JAK1: variants seen among roughly 807,000 people sequenced by gnomAD.
JAK1 encodes the protein Janus kinase 1.
In JAK1, 16 loss-of-function variants were observed where a neutral mutation model predicts 136.6. That is an observed-to-expected ratio of 0.12 (90% confidence interval 0.08 to 0.18). JAK1 has a LOEUF of 0.18. JAK1 is among the 10% of genes least tolerant of loss of function. JAK1 has a pLI of 1.00. For synonymous variants in JAK1, 492 were observed against 519.5 expected, an observed-to-expected ratio of 0.95 and a Z score of 0.72; for missense variants, 859 against 1,450.1, an observed-to-expected ratio of 0.59 and a Z score of 6.62.
intron 1 of JAK1, among the ~76,000 whole-genome samples, chr1:64,952,540 T>C (rs571558653): frequency 6.6e-6 from 1 of 152,312 alleles, no homozygotes; most frequent in East Asian, 1.9e-4. Context: ...ATGTTCAGTT[T>C]CCACCCAAAA....
intron 2 of JAK1, among the ~76,000 whole-genome samples, chr1:65,019,067 T>C (rs796955354): frequency 3.6e-4 from 55 of 152,194 alleles, no homozygotes; most frequent in African/African-American, 1.3e-3. Context: ...CGAACAATCC[T>C]ATGATCATTA....
At chr1:65,055,859 A>AACACTCAGTTCTTCAACACCCC (rs1647510956) in intron 1 of JAK1, among the ~76,000 whole-genome samples, 1 of 152,204 alleles carries the variant, frequency 6.6e-6, no homozygotes, top group Non-Finnish European at 1.5e-5. Context: ...AATGACACCC[A>AACACTCAGTTCTTCAACACCCC]ACACTCAGTT....
chr1:64,952,066 A>T (rs1392572894), intron 1 of JAK1, among the ~76,000 whole-genome samples: 1 of 152,208 alleles, frequency 6.6e-6, no homozygotes, highest in African/African-American at 2.4e-5. Context: ...GCCAACACAC[A>T]AAAGGCCAAT....
chr1:64,878,561 G>GTATGTATA (rs1644714274), intron 4 of JAK1, among the ~76,000 whole-genome samples: 1 of 119,932 alleles, frequency 8.3e-6, no homozygotes, highest in Non-Finnish European at 1.8e-5. Flanking sequence ...TATATAGTGT[G>GTATGTATA]TATATATATA....
At chr1:64,834,698 C>A (rs1654360101) in intron 24 of JAK1, 41 bp from the exon 25 acceptor site, 1 of 1,274,316 alleles carries the variant, frequency 7.8e-7, no homozygotes, top group Non-Finnish European at 1.1e-6. Flanking sequence ...AATGTTAGAT[C>A]TGGGAACTTT....
At chr1:64,909,721 G>A (rs186683521) in intron 1 of JAK1, among the ~76,000 whole-genome samples, 4 of 152,030 alleles carry the variant, frequency 2.6e-5, no homozygotes, top group Non-Finnish European at 4.4e-5. Flanking sequence ...CTACTTGGGA[G>A]GCTGAAGTGG....
chr1:65,010,773 C>T (rs1258296742), intron 2 of JAK1, among the ~76,000 whole-genome samples: 2 of 152,122 alleles, frequency 1.3e-5, no homozygotes, highest in Non-Finnish European at 2.9e-5. Flanking sequence ...AGTTTGAGAC[C>T]AGCTGGGCAA....
Position 64,902,581 on chromosome 1 carries a change from A to AGTGTGTGTGT in JAK1, c.-77-16241_-77-16240insACACACACAC, listed in dbSNP as rs1394514935. 1.4e-3 allele frequency among the ~76,000 whole-genome samples: 21 copies of AGTGTGTGTGT among 14,830 alleles called. No homozygotes were observed. In the South Asian group the frequency reaches 0.066, roughly 46 times the overall value. The allele number at this position is 14,830 out of a possible 152,430, so 9.7% of individuals were successfully genotyped here. A position where few individuals can be genotyped will look rare whatever the true frequency, so the allele number is the denominator to read the frequency against. On this transcript the variant is annotated intron_variant, in intron 1 of 24. Transcript: ENST00000342505. The stretch of plus-strand genomic sequence containing the variant: ...GAGAGAGAGAGAGAGAGAGAGAGAG[A>AGTGTGTGTGT]GAGTGTGTGTGTGTGTGTGTGTGTG...
At chr1:64,843,097 C>T (rs1469317421) in intron 17 of JAK1, among the ~76,000 whole-genome samples, 1 of 152,126 alleles carries the variant, frequency 6.6e-6, no homozygotes, top group Non-Finnish European at 1.5e-5. Flanking sequence ...TGTCCCATGC[C>T]ACCCCCAGTA....
chr1:64,932,491 G>C (rs1307518966), intron 1 of JAK1, among the ~76,000 whole-genome samples: 4 of 152,146 alleles, frequency 2.6e-5, no homozygotes, highest in African/African-American at 9.7e-5. Flanking sequence ...TAGCTAATAA[G>C]TGTCGAGGTT....
At chr1:65,025,832 C>T (rs1237030136) in intron 2 of JAK1, among the ~76,000 whole-genome samples, 2 of 152,076 alleles carry the variant, frequency 1.3e-5, no homozygotes, top group African/African-American at 4.8e-5. Flanking sequence ...TGCATACCAC[C>T]ATGCCTGGCT....
chr1:64,912,362 T>C (rs193198961), intron 1 of JAK1, among the ~76,000 whole-genome samples: 1 of 152,288 alleles, frequency 6.6e-6, no homozygotes, highest in East Asian at 1.9e-4. Flanking sequence ...TGATTTCTTC[T>C]TACTGATTTT....
intron 1 of JAK1, among the ~76,000 whole-genome samples, chr1:64,923,725 A>T (rs1356366154): frequency 6.6e-6 from 1 of 152,174 alleles, no homozygotes; most frequent in African/African-American, 2.4e-5. Context: ...CCATGACTTA[A>T]AACAAAATGA....
At chr1:64,858,364 T>G (rs1026011887) in intron 9 of JAK1, among the ~76,000 whole-genome samples, 1 of 152,174 alleles carries the variant, frequency 6.6e-6, no homozygotes, top group Non-Finnish European at 1.5e-5. Context: ...TGCTGCTTGC[T>G]AAGTGCTGGT....
At chr1:64,846,550 A>G in intron 14 of JAK1, 99 bp downstream of exon 14, 1 of 834,930 alleles carries the variant, frequency 1.2e-6, no homozygotes. Context: ...AAAGGCAAGA[A>G]GCCTGGGCAA....
chr1:64,872,514 C>A (rs78924279), intron 5 of JAK1, among the ~76,000 whole-genome samples: 1 of 152,150 alleles, frequency 6.6e-6, no homozygotes, highest in Non-Finnish European at 1.5e-5. Flanking sequence ...TAATTTCTTA[C>A]GTATTATCTA....
intron 1 of JAK1, among the ~76,000 whole-genome samples, chr1:64,911,511 G>C (rs1436003700): frequency 6.6e-6 from 1 of 152,172 alleles, no homozygotes; most frequent in Non-Finnish European, 1.5e-5. Flanking sequence ...CCGTTTTACA[G>C]ATATGTAAAT....
chr1:64,913,705 A>AGGG (rs1645336717), intron 1 of JAK1, among the ~76,000 whole-genome samples: 1 of 35,718 alleles, frequency 2.8e-5, no homozygotes, highest in Non-Finnish European at 4.9e-5. Flanking sequence ...GGAAGGAAAG[A>AGGG]AGGGAGGGAG....
intron 5 of JAK1, among the ~76,000 whole-genome samples, 186 bp from the exon 6 acceptor site, chr1:64,869,660 C>A (rs2274947): frequency 6.6e-6 from 1 of 152,204 alleles, no homozygotes; most frequent in East Asian, 1.9e-4. Context: ...GATGTTCTCC[C>A]CCGCTCATTC....
Sources: allele counts gnomAD v4.1 joint callset (sites outside exome capture counted in the v4.1 genomes callset), GRCh38; gene constraint gnomAD v4.1.1; transcripts MANE v1.5; gene names NCBI Gene and HGNC (gene_info 2026-07-23, HGNC 2026-07-21).